WASL: variants seen among roughly 807,000 people sequenced by gnomAD.
WASL encodes the protein WASP like actin nucleation promoting factor.
WASL carries 20 observed loss-of-function variants against 55.5 expected under a neutral mutation model. That is an observed-to-expected ratio of 0.36 (90% confidence interval 0.25 to 0.52). WASL has a LOEUF of 0.52. WASL is among the 20% of genes least tolerant of loss of function. WASL has a pLI of 0.92. For missense variants in WASL, 504 were observed against 622.5 expected (o/e 0.81, Z 2.03); for synonymous variants, 249 against 217.6 (o/e 1.14, Z -1.27).
intron 10 of WASL, among the ~76,000 whole-genome samples, chr7:123,686,104 T>C (rs1803283803): frequency 6.6e-6 from 1 of 151,420 alleles, no homozygotes; most frequent in South Asian, 2.1e-4. Flanking sequence ...GGAGCTCTAG[T>C]ATTAGAACTT....
chr7:123,725,529 AAT>A (rs1277099940), intron 1 of WASL, among the ~76,000 whole-genome samples: 1 of 152,206 alleles, frequency 6.6e-6, no homozygotes, highest in Non-Finnish European at 1.5e-5. Context: ...AATTTCTTGA[AAT>A]ATGTTTTTTT....
chr7:123,734,407 G>A (rs1480042214), intron 1 of WASL, among the ~76,000 whole-genome samples: 4 of 152,022 alleles, frequency 2.6e-5, no homozygotes, highest in Non-Finnish European at 4.4e-5. Context: ...TGGCATTAGG[G>A]AATTGCAAAA....
At chr7:123,698,532 AATATTC>A (rs1263534350) in intron 5 of WASL, among the ~76,000 whole-genome samples, 1 of 152,042 alleles carries the variant, frequency 6.6e-6, no homozygotes, top group African/African-American at 2.4e-5. Flanking sequence ...CTTTTCCCTT[AATATTC>A]AAATCCTATT....
At chr7:123,738,974 G>A (rs768578929) in intron 1 of WASL, among the ~76,000 whole-genome samples, 46 of 152,092 alleles carry the variant, frequency 3.0e-4, no homozygotes, top group Non-Finnish European at 5.9e-4. Flanking sequence ...AAGCCATCCT[G>A]GGCCGCAGGT....
chr7:123,719,886 C>T (rs994013000), intron 1 of WASL, among the ~76,000 whole-genome samples: 2 of 152,178 alleles, frequency 1.3e-5, no homozygotes, highest in Non-Finnish European at 2.9e-5. Flanking sequence ...GTGACAGGAA[C>T]CTCCCAACCC....
chr7:123,711,692 ATTAAG>A (rs1322118219), intron 1 of WASL, among the ~76,000 whole-genome samples: 1 of 152,256 alleles, frequency 6.6e-6, no homozygotes, highest in East Asian at 1.9e-4. Context: ...CAGTGACTTA[ATTAAG>A]TTTTTACAGA....
chr7:123,745,578 C>T (rs1584877747), intron 1 of WASL, among the ~76,000 whole-genome samples: 1 of 152,048 alleles, frequency 6.6e-6, no homozygotes, highest in African/African-American at 2.4e-5. Context: ...TATCAGACAA[C>T]GTGGACTTTA....
intron 1 of WASL, among the ~76,000 whole-genome samples, chr7:123,745,446 C>T (rs1190476068): frequency 1.3e-5 from 2 of 152,062 alleles, no homozygotes; most frequent in African/African-American, 2.4e-5. Flanking sequence ...GTATCTTCAG[C>T]GGTGAGAGAA....
At position 123,682,661 on chromosome 7, in the gene WASL, A is replaced by T. The variant is rs547654619; in HGVS notation, c.*1858T>A. The T allele has an allele frequency of 6.6e-6, 1 of 152,092 alleles. No homozygotes were observed. Among genetic ancestry groups the T allele is most frequent in the Admixed American group, 6.6e-5 (1 of 15,252 alleles). The allele number at this position is 152,092 out of a possible 1,614,324, so 9.4% of individuals were successfully genotyped here. A position where few individuals can be genotyped will look rare whatever the true frequency, so the allele number is the denominator to read the frequency against. ...TTTTTTATATTGTCAAAAAGAAAAA[A>T]TTTTTTCAATTAACATTACTTAAAA... is the stretch of plus-strand genomic sequence containing the variant. On this transcript the variant is annotated 3_prime_UTR_variant, in exon 11 of 11. Transcript: ENST00000223023.
At chr7:123,732,247 G>A (rs552489698) in intron 1 of WASL, among the ~76,000 whole-genome samples, 8 of 152,180 alleles carry the variant, frequency 5.3e-5, no homozygotes, top group South Asian at 2.1e-4. Context: ...GGAGAATGGC[G>A]TGAACCCGGG....
In WASL at chr7:123,683,815, C is replaced by T. The variant is rs1803241180; in HGVS notation, c.*704G>A. ...AAAGAGCCTGTCACATTTGCTACAG[C>T]ATAAAAATAACCCCAGTCAATAACA... is the stretch of plus-strand genomic sequence containing the variant. On this transcript the variant is annotated 3_prime_UTR_variant, in exon 11 of 11. Transcript: ENST00000223023. 1 of 151,936 alleles carries T rather than the reference C, an allele frequency of 6.6e-6. No individual in the cohort carries two copies. The highest frequency in any genetic ancestry group is 6.6e-5 in the Admixed American group (1 of 15,216). 9.4% of individuals were successfully genotyped at this position (151,936 alleles called of 1,614,324 possible).
intron 1 of WASL, among the ~76,000 whole-genome samples, chr7:123,727,036 C>T (rs1051517029): frequency 1.8e-4 from 27 of 151,862 alleles, no homozygotes; most frequent in Non-Finnish European, 4.0e-4. Flanking sequence ...AAGTGCTACA[C>T]AAAAAACAAA....
intron 5 of WASL, among the ~76,000 whole-genome samples, chr7:123,701,134 A>G (rs976276359): frequency 6.6e-6 from 1 of 152,228 alleles, no homozygotes; most frequent in Non-Finnish European, 1.5e-5. Context: ...AGATTTAGTA[A>G]CAGATGTACG....
At chr7:123,685,779 T>C (rs1014830732) in intron 10 of WASL, among the ~76,000 whole-genome samples, 6 of 150,306 alleles carry the variant, frequency 4.0e-5, no homozygotes, top group African/African-American at 7.3e-5. Flanking sequence ...ATACTGACTT[T>C]CCATATTTAA....
chr7:123,718,456 A>T (rs953102206), intron 1 of WASL, among the ~76,000 whole-genome samples: 2 of 152,242 alleles, frequency 1.3e-5, no homozygotes, highest in Non-Finnish European at 2.9e-5. Flanking sequence ...ACTAAAGCCA[A>T]GCAACTTCAA....
intron 1 of WASL, among the ~76,000 whole-genome samples, chr7:123,716,390 AT>A (rs1326389987): frequency 1.3e-5 from 2 of 151,788 alleles, no homozygotes; most frequent in African/African-American, 4.8e-5. Flanking sequence ...TAATTTTTGT[AT>A]TTTTGTAGAG....
At position 123,709,136 on chromosome 7, in the gene WASL, TAACAA is replaced by T; in HGVS notation, c.200_204del (p.Leu67GlnfsTer14). Reference sequence around the variant, plus strand: ...AAATAAGATCTCTGTGGATTGTCCTTAACAAGACAAGCAACACCACTGCACTTCTT... The same window carrying T: ...AAATAAGATCTCTGTGGATTGTCCTTGACAAGCAACACCACTGCACTTCTT... On this transcript the variant is annotated frameshift_variant, in exon 2 of 11. Transcript: ENST00000223023. LOFTEE classifies it high-confidence loss of function. 6.2e-7 allele frequency: 1 copy of T among 1,612,924 alleles called. No homozygotes were observed. The highest frequency in any genetic ancestry group is 8.5e-7 in the Non-Finnish European group (1 of 1,179,238).
chr7:123,700,488 T>C (rs189793763), intron 5 of WASL, among the ~76,000 whole-genome samples: 33 of 151,788 alleles, frequency 2.2e-4, no homozygotes, highest in African/African-American at 7.5e-4. Context: ...TCGCCCAGGC[T>C]GGAGTGCAAT....
rs141006882 is a variant in WASL, at chr7:123,728,685, C to T, written c.118-19462G>A. Among the ~76,000 whole-genome samples, 959 of 152,044 alleles carry T rather than the reference C, an allele frequency of 6.3e-3. 8 individuals are homozygous for T. Among genetic ancestry groups the T allele is most frequent in the African/African-American group, 0.021 (886 of 41,454 alleles). On this transcript the variant is annotated intron_variant, in intron 1 of 10. Transcript: ENST00000223023. Reference sequence around the variant, plus strand: ...TGAAGCCCCATCTCTACTAAAAATACAAAAAAATATGGTAGTGGTGAGCAC... The same window carrying T: ...TGAAGCCCCATCTCTACTAAAAATATAAAAAAATATGGTAGTGGTGAGCAC...
Sources: gnomAD v4.1 joint callset for allele counts (sites outside exome capture counted in the v4.1 genomes callset) on GRCh38, gnomAD v4.1.1 for gene constraint, MANE v1.5 for transcripts, NCBI Gene and HGNC (gene_info 2026-07-23, HGNC 2026-07-21) for gene names.